The following ATP6V0A4 variants were observed in gnomAD, a reference collection of about 807,000 sequenced individuals.
The protein encoded by ATP6V0A4 is V-type proton ATPase 116 kDa subunit a 4.
In ATP6V0A4, 86 loss-of-function variants were observed where a neutral mutation model predicts 107.3. The observed-to-expected ratio is 0.80, with a 90% CI of 0.67 to 0.96. ATP6V0A4 has a LOEUF of 0.96. Among genes scored for constraint, ATP6V0A4 ranks in the 40% least tolerant of loss-of-function variants. The pLI is 0.00. For synonymous variants in ATP6V0A4, 353 were observed against 381.4 expected (o/e 0.93, Z 0.87); for missense variants, 908 against 1,045.6 (o/e 0.87, Z 1.81).
At position 138,727,315 on chromosome 7, in the gene ATP6V0A4, A is replaced by C. The variant is rs888363734; in HGVS notation, c.2010+1446T>G. ...TAGAAAACAAAACAAAACAAAAAAA[A>C]CTTGCATCTACTTCTCCAAACAGGT... On this transcript the variant is annotated intron_variant, in intron 18 of 21. Transcript: ENST00000310018. Among the ~76,000 whole-genome samples, 32 of 151,994 alleles carry C rather than the reference A, an allele frequency of 2.1e-4. 3 individuals are homozygous for C.
intron 12 of ATP6V0A4, 96 bp downstream of exon 12, chr7:138,749,071 A>C: frequency 6.7e-7 from 1 of 1,496,860 alleles, no homozygotes; most frequent in Non-Finnish European, 9.3e-7. Flanking sequence ...CAAGCCTCAC[A>C]GTTTTAACAA....
At chr7:138,761,494 G>C (rs1441680550) in intron 7 of ATP6V0A4, among the ~76,000 whole-genome samples, 1 of 151,948 alleles carries the variant, frequency 6.6e-6, no homozygotes, top group Non-Finnish European at 1.5e-5. Flanking sequence ...AATTAGCCGG[G>C]TGTGGTGGCA....
intron 2 of ATP6V0A4, among the ~76,000 whole-genome samples, chr7:138,780,403 G>A (rs943909790): frequency 7.2e-5 from 11 of 152,240 alleles, no homozygotes; most frequent in Non-Finnish European, 1.6e-4. Context: ...AGGTGGAAAT[G>A]CCTACTCCCC....
chr7:138,772,213 T>C (rs185554921), intron 2 of ATP6V0A4, among the ~76,000 whole-genome samples: 381 of 152,346 alleles, frequency 2.5e-3, no homozygotes, highest in Non-Finnish European at 4.7e-3. Context: ...ATATCCCTCA[T>C]ACCCACAAAT....
chr7:138,721,775 T>C, intron 19 of ATP6V0A4, 122 bp downstream of exon 19: 4 of 1,110,770 alleles, frequency 3.6e-6, no homozygotes, highest in Non-Finnish European at 5.4e-6. Context: ...TTCCCAGGAC[T>C]CAGCAGTGAC....
chr7:138,770,251 G>A, intron 3 of ATP6V0A4, among the ~76,000 whole-genome samples: 1 of 151,492 alleles, frequency 6.6e-6, no homozygotes, highest in Non-Finnish European at 1.5e-5. Flanking sequence ...GGAAGGAAGA[G>A]AGGGAGGGGA....
intron 20 of ATP6V0A4, among the ~76,000 whole-genome samples, chr7:138,714,559 TAGACAGACAGAC>T (rs58118736): frequency 4.0e-5 from 6 of 148,516 alleles, no homozygotes; most frequent in African/African-American, 7.8e-5. Flanking sequence ...GATAGATAGA[TAGACAGACAGAC>T]AGACAGACAG....
At chr7:138,726,071 G>C (rs960371239) in intron 18 of ATP6V0A4, among the ~76,000 whole-genome samples, 15 of 151,934 alleles carry the variant, frequency 9.9e-5, no homozygotes, top group African/African-American at 3.6e-4. Flanking sequence ...CTCACTGCAA[G>C]CTCCGCCTCC....
Position 138,709,778 on chromosome 7 carries a change from AG to A in ATP6V0A4, c.2274del (p.Trp759GlyfsTer4), listed in dbSNP as rs1421630163. 1 of 1,614,048 alleles carries A rather than the reference AG, an allele frequency of 6.2e-7. No individual in the cohort carries two copies. The highest frequency in any genetic ancestry group is 1.1e-5 in the South Asian group (1 of 91,080). ...AGGCCGCTGTTCATCACCATAGTCCAGAGCACTTCAGACAGTTCTGCAAGGT... is the reference window on the plus strand; with the variant it reads ...AGGCCGCTGTTCATCACCATAGTCCAAGCACTTCAGACAGTTCTGCAAGGT... Reference protein sequence around the residue: ...SLAHAQLSEVLWTMVMNSGLQ... With the variant: ...SLAHAQLSEVXWTMVMNSGLQ... On this transcript the variant is annotated frameshift_variant, in exon 21 of 22. Transcript: ENST00000310018. LOFTEE classifies it high-confidence loss of function.
intron 18 of ATP6V0A4, among the ~76,000 whole-genome samples, chr7:138,726,278 C>T (rs971506928): frequency 3.3e-5 from 5 of 152,254 alleles, no homozygotes; most frequent in Admixed American, 2.0e-4. Flanking sequence ...CGTGAGCCAC[C>T]GTGCCCGGCC....
At chr7:138,752,058 C>A (rs1806256106) in intron 11 of ATP6V0A4, among the ~76,000 whole-genome samples, 1 of 152,080 alleles carries the variant, frequency 6.6e-6, no homozygotes, top group Admixed American at 6.6e-5. Context: ...GATAGTCTAG[C>A]TGAGAGACTG....
At chr7:138,763,178 CACACACAG>C (rs1237897579) in intron 5 of ATP6V0A4, 153 bp from the exon 6 acceptor site, 231 of 375,040 alleles carry the variant, frequency 6.2e-4, no homozygotes, top group Admixed American at 1.1e-3. Flanking sequence ...CACACACAGA[CACACACAG>C]ACACACACAC....
intron 20 of ATP6V0A4, among the ~76,000 whole-genome samples, chr7:138,711,471 T>G (rs1803739220): frequency 6.6e-6 from 1 of 152,120 alleles, no homozygotes; most frequent in South Asian, 2.1e-4. Context: ...GGCTTGAGAT[T>G]TGAAGGCCCC....
chr7:138,762,359 A>AT lies in ATP6V0A4; in HGVS notation c.492dup (p.Tyr165IlefsTer22). 6.2e-7 allele frequency: 1 copy of AT among 1,614,194 alleles called. No individual in the cohort carries two copies. The stretch of plus-strand genomic sequence containing the variant: ...ACTAACCCCAACTTTCCGGTCATAT[A>AT]TGCAGGCACTGCTTTCAACTCCAGG... On this transcript the variant is annotated frameshift_variant, in exon 7 of 22. Coordinates refer to ENST00000310018, the MANE Select transcript of ATP6V0A4 (RefSeq NM_020632.3). LOFTEE classifies it high-confidence loss of function.
chr7:138,793,658 A>C (rs1330381055), intron 1 of ATP6V0A4, among the ~76,000 whole-genome samples: 1 of 152,206 alleles, frequency 6.6e-6, no homozygotes, highest in Non-Finnish European at 1.5e-5. Context: ...AAATCATCAA[A>C]GTATATTCGC....
intron 11 of ATP6V0A4, among the ~76,000 whole-genome samples, chr7:138,749,938 A>G (rs2117283983): frequency 6.6e-6 from 1 of 152,186 alleles, no homozygotes; most frequent in Non-Finnish European, 1.5e-5. Context: ...TCCCACAGCT[A>G]TCACCCTAGC....
intron 18 of ATP6V0A4, 89 bp from the exon 19 acceptor site, chr7:138,722,114 A>G (rs1393656623): frequency 7.0e-6 from 11 of 1,562,704 alleles, no homozygotes; most frequent in Non-Finnish European, 6.9e-6. Context: ...CTCCTCAAAT[A>G]CTACCTATGT....
intron 10 of ATP6V0A4, 137 bp from the exon 11 acceptor site, chr7:138,752,974 C>A: frequency 1.3e-6 from 2 of 1,498,168 alleles, no homozygotes; most frequent in African/African-American, 1.4e-5. Flanking sequence ...TGTCACCTGG[C>A]CTTGAACTCT....
intron 15 of ATP6V0A4, 145 bp downstream of exon 15, chr7:138,739,395 G>T: frequency 2.0e-6 from 2 of 1,004,090 alleles, no homozygotes; most frequent in Non-Finnish European, 3.0e-6. Context: ...CTGGCTCTAT[G>T]TGTCACAAAA....
Sources: allele counts gnomAD v4.1 joint callset (sites outside exome capture counted in the v4.1 genomes callset), GRCh38; gene constraint gnomAD v4.1.1; transcripts MANE v1.5; gene names NCBI Gene and HGNC (gene_info 2026-07-23, HGNC 2026-07-21).